TMEM132C: variants seen among roughly 807,000 people sequenced by gnomAD.
TMEM132C encodes transmembrane protein 132C.
A neutral mutation model predicts 61.4 loss-of-function variants in TMEM132C; 29 were observed. That is an observed-to-expected ratio of 0.47 (90% CI 0.35 to 0.64). The LOEUF is 0.64. Among genes scored for constraint, TMEM132C ranks in the 30% least tolerant of loss-of-function variants. The pLI, the probability that TMEM132C is intolerant of heterozygous loss-of-function variation, is 0.00. For synonymous variants in TMEM132C, 656 were observed against 633.1 expected (o/e 1.04, Z -0.54); for missense variants, 1,408 against 1,476.9 (o/e 0.95, Z 0.76).
chr12:128,426,811 C>T (rs914686035), intron 2 of TMEM132C, among the ~76,000 whole-genome samples: 7 of 152,108 alleles, frequency 4.6e-5, no homozygotes, highest in Non-Finnish European at 8.8e-5. Flanking sequence ...GAATTGACTC[C>T]AGCTCTGTGA....
At chr12:128,659,529 A>G (rs1210685425) in intron 4 of TMEM132C, among the ~76,000 whole-genome samples, 2 of 152,226 alleles carry the variant, frequency 1.3e-5, no homozygotes, top group East Asian at 3.8e-4. Flanking sequence ...CAAGCAAGAC[A>G]CCCTGAGCTC....
intron 5 of TMEM132C, among the ~76,000 whole-genome samples, chr12:128,690,688 G>C (rs1243620192): frequency 6.6e-6 from 1 of 152,132 alleles, no homozygotes; most frequent in Non-Finnish European, 1.5e-5. Flanking sequence ...TGACAAGCCT[G>C]GGATGGCAAC....
chr12:128,660,889 C>A (rs1020336457), intron 4 of TMEM132C, among the ~76,000 whole-genome samples: 3 of 151,876 alleles, frequency 2.0e-5, no homozygotes, highest in African/African-American at 7.3e-5. Flanking sequence ...ACCAGAGAAA[C>A]AAGATGAGGA....
intron 2 of TMEM132C, among the ~76,000 whole-genome samples, chr12:128,422,813 G>A (rs1869034695): frequency 6.6e-6 from 1 of 152,174 alleles, no homozygotes; most frequent in South Asian, 2.1e-4. Context: ...CTCCACCTCT[G>A]CTCCAGGTCT....
At chr12:128,423,395 A>G (rs1222813937) in intron 2 of TMEM132C, among the ~76,000 whole-genome samples, 2 of 152,210 alleles carry the variant, frequency 1.3e-5, no homozygotes, top group African/African-American at 4.8e-5. Context: ...GCATGTGCCT[A>G]ACAGCTGCGT....
At chr12:128,679,943 A>G (rs1954620698) in intron 5 of TMEM132C, among the ~76,000 whole-genome samples, 1 of 152,140 alleles carries the variant, frequency 6.6e-6, no homozygotes, top group Non-Finnish European at 1.5e-5. Flanking sequence ...TGAGATCTAA[A>G]TGCCAAGAGC....
Position 128,363,366 on chromosome 12 carries a change from C to CT in TMEM132C, c.86-51362dup, listed in dbSNP as rs558382019. On this transcript the variant is annotated intron_variant, in intron 1 of 8. Coordinates refer to ENST00000435159, the MANE Select transcript of TMEM132C (RefSeq NM_001136103.3). ...TTCTGTTTGAAGTGGATTCTTCCTA[C>CT]TTTTCAATTTCCAGGGATAATCACT... Among the ~76,000 whole-genome samples the CT allele has an allele frequency of 1.7e-3, 255 of 152,352 alleles. 1 individual carries two copies. The highest frequency in any genetic ancestry group is 5.8e-3 in the African/African-American group (241 of 41,586).
intron 2 of TMEM132C, among the ~76,000 whole-genome samples, chr12:128,523,287 A>G (rs1269008203): frequency 6.6e-6 from 1 of 152,148 alleles, no homozygotes; most frequent in African/African-American, 2.4e-5. Context: ...GTAGTGTTTA[A>G]TGGGTGCAGA....
At chr12:128,491,985 T>C (rs1871747510) in intron 2 of TMEM132C, among the ~76,000 whole-genome samples, 1 of 152,130 alleles carries the variant, frequency 6.6e-6, no homozygotes, top group African/African-American at 2.4e-5. Flanking sequence ...TATCTCCTAA[T>C]GCTTTCCCTC....
At chr12:128,424,229 C>G (rs527406536) in intron 2 of TMEM132C, among the ~76,000 whole-genome samples, 1 of 152,156 alleles carries the variant, frequency 6.6e-6, no homozygotes, top group East Asian at 1.9e-4. Context: ...AGATGTGAGT[C>G]TCCTACTTAT....
chr12:128,440,326 C>T (rs1869741703), intron 2 of TMEM132C, among the ~76,000 whole-genome samples: 1 of 152,148 alleles, frequency 6.6e-6, no homozygotes, highest in African/African-American at 2.4e-5. Context: ...CAACAGAATC[C>T]ACTCTAGCTG....
chr12:128,599,965 GGTTTTTT>G lies in TMEM132C; in HGVS notation c.1122-16166_1122-16160del, dbSNP rs939493011. ...GGAGTGAGTTCTCACAAGACCTGAT[GGTTTTTT>G]GTTTTTTGTTTTTTGTTTTTGTGTT... On this transcript the variant is annotated intron_variant, in intron 3 of 8. Coordinates refer to ENST00000435159, the MANE Select transcript of TMEM132C (RefSeq NM_001136103.3). Among the ~76,000 whole-genome samples, 6 of 152,150 alleles carry G rather than the reference GGTTTTTT, an allele frequency of 3.9e-5. No homozygotes were observed. The South Asian group carries it at 6.2e-4, about 16-fold the overall frequency.
intron 2 of TMEM132C, among the ~76,000 whole-genome samples, chr12:128,459,285 A>G (rs1211936444): frequency 6.6e-6 from 1 of 152,234 alleles, no homozygotes; most frequent in African/African-American, 2.4e-5. Flanking sequence ...AATGTGAACC[A>G]GAGTCTTTGT....
chr12:128,442,992 C>T (rs567615207), intron 2 of TMEM132C, among the ~76,000 whole-genome samples: 6 of 151,930 alleles, frequency 3.9e-5, no homozygotes, highest in African/African-American at 9.7e-5. Flanking sequence ...AGGTCATTGC[C>T]GTCATAGGAG....
intron 4 of TMEM132C, among the ~76,000 whole-genome samples, chr12:128,635,080 G>A (rs1241662742): frequency 6.6e-6 from 1 of 152,188 alleles, no homozygotes; most frequent in Non-Finnish European, 1.5e-5. Context: ...GTTACTCAGA[G>A]CAAGTATTTT....
At chr12:128,580,222 C>T (rs1875279519) in intron 3 of TMEM132C, among the ~76,000 whole-genome samples, 1 of 152,076 alleles carries the variant, frequency 6.6e-6, no homozygotes, top group Non-Finnish European at 1.5e-5. Flanking sequence ...CGAGACCATC[C>T]TGGCTAACAC....
At chr12:128,546,380 A>G (rs1385506899) in intron 3 of TMEM132C, among the ~76,000 whole-genome samples, 1 of 152,226 alleles carries the variant, frequency 6.6e-6, no homozygotes, top group East Asian at 1.9e-4. Context: ...AAAGTTATGT[A>G]TGTGAATAGT....
chr12:128,356,755 C>T (rs1227029140), intron 1 of TMEM132C, among the ~76,000 whole-genome samples: 1 of 152,242 alleles, frequency 6.6e-6, no homozygotes, highest in East Asian at 1.9e-4. Flanking sequence ...ATTAATGTTG[C>T]AGCCTTCTGC....
chr12:128,600,224 T>C (rs999581055), intron 3 of TMEM132C, among the ~76,000 whole-genome samples: 10 of 152,116 alleles, frequency 6.6e-5, no homozygotes, highest in Non-Finnish European at 1.2e-4. Context: ...CCTTGTGATC[T>C]GCCCACCTCG....
Sources: gnomAD v4.1 joint callset for allele counts (sites outside exome capture counted in the v4.1 genomes callset) on GRCh38, gnomAD v4.1.1 for gene constraint, MANE v1.5 for transcripts, NCBI Gene and HGNC (gene_info 2026-07-23, HGNC 2026-07-21) for gene names.